JPH3: variants seen among roughly 807,000 people sequenced by gnomAD.
The protein encoded by JPH3 is junctophilin 3.
In JPH3, 11 loss-of-function variants were observed where a neutral mutation model predicts 59.6. The observed-to-expected ratio is 0.18, with a 90% CI of 0.12 to 0.31. JPH3 has a LOEUF of 0.31. Among genes scored for constraint, JPH3 ranks in the 10% least tolerant of loss-of-function variants. The pLI is 1.00. For synonymous variants in JPH3, 673 were observed against 483.6 expected (o/e 1.39, Z -5.14); for missense variants, 1,202 against 1,105.7 (o/e 1.09, Z -1.24).
At chr16:87,619,813 A>C (rs117654983) in intron 1 of JPH3, among the ~76,000 whole-genome samples, 1 of 152,332 alleles carries the variant, frequency 6.6e-6, no homozygotes, top group Non-Finnish European at 1.5e-5. Context: ...CCCGTCAGTC[A>C]GCCCTGCACA....
At chr16:87,604,710 C>G in intron 1 of JPH3, 1 of 1,091,196 alleles carries the variant, frequency 9.2e-7, no homozygotes, top group Non-Finnish European at 1.2e-6. Flanking sequence ...ACGGCCACAT[C>G]CAGGAGTGGC....
intron 2 of JPH3, among the ~76,000 whole-genome samples, chr16:87,671,756 C>G (rs999819375): frequency 2.0e-5 from 3 of 152,202 alleles, no homozygotes; most frequent in Admixed American, 1.3e-4. Flanking sequence ...GGAGAACCCC[C>G]TTCCTCCCTG....
intron 3 of JPH3, among the ~76,000 whole-genome samples, chr16:87,685,290 C>T (rs1463777963): frequency 2.0e-5 from 3 of 152,226 alleles, no homozygotes; most frequent in African/African-American, 4.8e-5. Context: ...GAGGACGAGC[C>T]CCCGCACCCC....
intron 3 of JPH3, 138 bp from the exon 4 acceptor site, chr16:87,689,508 T>C: frequency 1.1e-6 from 1 of 943,044 alleles, no homozygotes; most frequent in South Asian, 1.6e-5. Flanking sequence ...CTCCCCTCCC[T>C]TGCCTGCAGC....
rs188073701 is a variant in JPH3, at chr16:87,687,038, G to A, written c.1286-2608G>A. On this transcript the variant is annotated intron_variant, in intron 3 of 4. Transcript: ENST00000284262. ...GAGCAGCATCTTCCCTGGAGGGGGC[G>A]TTGGGACCGTGTGTTTTTTACAAGC... is the stretch of plus-strand genomic sequence containing the variant. Among the ~76,000 whole-genome samples the A allele has an allele frequency of 1.4e-4, 21 of 152,372 alleles. No homozygotes were observed. In the East Asian group the frequency reaches 3.9e-3, roughly 28 times the overall value.
At chr16:87,661,976 G>A (rs60087305) in intron 2 of JPH3, among the ~76,000 whole-genome samples, 1 of 152,144 alleles carries the variant, frequency 6.6e-6, no homozygotes, top group Non-Finnish European at 1.5e-5. Context: ...TCACAGATTC[G>A]TCCTGTTATT....
At chr16:87,631,434 G>A (rs537914646) in intron 1 of JPH3, among the ~76,000 whole-genome samples, 1 of 152,278 alleles carries the variant, frequency 6.6e-6, no homozygotes, top group East Asian at 1.9e-4. Flanking sequence ...TGACTTCTAG[G>A]TTCAGTGTTG....
intron 2 of JPH3, among the ~76,000 whole-genome samples, chr16:87,674,569 G>T (rs1436642223): frequency 6.6e-6 from 1 of 152,204 alleles, no homozygotes; most frequent in Non-Finnish European, 1.5e-5. Context: ...AACCCCATTT[G>T]TGCGGCAAAA....
chr16:87,646,942 A>G (rs2032173090), intron 2 of JPH3, among the ~76,000 whole-genome samples: 1 of 152,168 alleles, frequency 6.6e-6, no homozygotes, highest in Admixed American at 6.5e-5. Context: ...TCCCCTAGAC[A>G]TTAAGAGAAG....
At chr16:87,612,913 C>T (rs1345017311) in intron 1 of JPH3, among the ~76,000 whole-genome samples, 1 of 151,562 alleles carries the variant, frequency 6.6e-6, no homozygotes, top group Non-Finnish European at 1.5e-5. Context: ...GTAGTCCCAG[C>T]TACTCTGGAG....
chr16:87,629,907 G>A (rs879662243), intron 1 of JPH3, among the ~76,000 whole-genome samples: 2 of 152,158 alleles, frequency 1.3e-5, no homozygotes, highest in Non-Finnish European at 2.9e-5. Flanking sequence ...AGTGGGGGGC[G>A]AGGGGATACA....
At chr16:87,657,194 A>G (rs1425563706) in intron 2 of JPH3, among the ~76,000 whole-genome samples, 1 of 152,168 alleles carries the variant, frequency 6.6e-6, no homozygotes, top group East Asian at 1.9e-4. Flanking sequence ...CAACAGTAAT[A>G]AATAAAAAGG....
At chr16:87,688,131 C>A (rs953961030) in intron 3 of JPH3, among the ~76,000 whole-genome samples, 4 of 152,206 alleles carry the variant, frequency 2.6e-5, no homozygotes, top group African/African-American at 9.6e-5. Context: ...GACACCCAAC[C>A]AGCCCAGCCC....
intron 2 of JPH3, among the ~76,000 whole-genome samples, chr16:87,646,638 C>T (rs1459826243): frequency 6.6e-6 from 1 of 152,246 alleles, no homozygotes; most frequent in Non-Finnish European, 1.5e-5. Context: ...TTTCTTTCCT[C>T]TGTGTTTTGT....
chr16:87,652,665 C>G (rs12596122), intron 2 of JPH3, among the ~76,000 whole-genome samples: 29,553 of 152,152 alleles, frequency 0.19, 3,251 homozygotes, highest in East Asian at 0.35. Context: ...GTCCTGGAGG[C>G]CAGGCAGGTG....
chr16:87,644,107 C>A, intron 1 of JPH3, 151 bp from the exon 2 acceptor site: 1 of 821,256 alleles, frequency 1.2e-6, no homozygotes, highest in Non-Finnish European at 1.9e-6. Flanking sequence ...CACTGCACTC[C>A]AGCCTGGGCA....
chr16:87,651,998 G>A (rs2032338646), intron 2 of JPH3, among the ~76,000 whole-genome samples: 1 of 147,328 alleles, frequency 6.8e-6, no homozygotes. Context: ...GTTTTGAGAT[G>A]GAGTCTCGCT....
chr16:87,667,587 G>A (rs1399875790), intron 2 of JPH3, among the ~76,000 whole-genome samples: 1 of 152,190 alleles, frequency 6.6e-6, no homozygotes, highest in Admixed American at 6.5e-5. Flanking sequence ...GGCAGGGCCT[G>A]GCATTGGGAC....
upstream of JPH3, among the ~76,000 whole-genome samples, chr16:87,602,413 CGGGGGCGGGGGCGGGGGCGGGGGCG>C (rs1490380197): frequency 4.6e-4 from 8 of 17,342 alleles, no homozygotes; most frequent in East Asian, 1.5e-3. Flanking sequence ...CGCCGCGCTC[CGGGGGCGGGGGCGGGGGCGGGGGCG>C]GGGGGCGGGG....
Sources: gnomAD v4.1 joint callset for allele counts (sites outside exome capture counted in the v4.1 genomes callset) on GRCh38, gnomAD v4.1.1 for gene constraint, MANE v1.5 for transcripts, NCBI Gene and HGNC (gene_info 2026-07-23, HGNC 2026-07-21) for gene names.